Variants in GRIN2B observed in about 807,000 individuals in gnomAD.
GRIN2B encodes glutamate receptor ionotropic, NMDA 2B.
In GRIN2B, 5 loss-of-function variants were observed where a neutral mutation model predicts 114.5. The ratio of observed to expected loss-of-function variants is 0.04; its 90% confidence interval spans 0.02 to 0.09. The LOEUF is 0.09. Among genes scored for constraint, GRIN2B ranks in the 10% least tolerant of loss-of-function variants. The probability of loss-of-function intolerance (pLI) is 1.00; values close to 1 mark genes in which losing one functional copy is unlikely to be tolerated. For synonymous variants in GRIN2B, 787 were observed against 745.1 expected (o/e 1.06, Z -0.92); for missense variants, 1,108 against 1,943.5 (o/e 0.57, Z 8.08).
intron 5 of GRIN2B, among the ~76,000 whole-genome samples, chr12:13,644,532 G>T (rs1196746873): frequency 6.6e-6 from 1 of 152,098 alleles, no homozygotes; most frequent in East Asian, 1.9e-4. Flanking sequence ...ATCATCAGCT[G>T]CATTAGTCCC....
At chr12:13,601,596 C>A (rs762050145) in intron 10 of GRIN2B, among the ~76,000 whole-genome samples, 1 of 151,122 alleles carries the variant, frequency 6.6e-6, no homozygotes, top group Non-Finnish European at 1.5e-5. Flanking sequence ...TGGGAGGATA[C>A]AATTCAACCC....
intron 3 of GRIN2B, among the ~76,000 whole-genome samples, chr12:13,769,017 G>C (rs980603228): frequency 1.3e-5 from 2 of 152,190 alleles, no homozygotes; most frequent in Non-Finnish European, 2.9e-5. Flanking sequence ...TTGGGCAACA[G>C]AGTAAGACTC....
At chr12:13,873,851 C>G (rs964107606) in intron 2 of GRIN2B, among the ~76,000 whole-genome samples, 3 of 152,118 alleles carry the variant, frequency 2.0e-5, no homozygotes, top group African/African-American at 7.2e-5. Flanking sequence ...GAATTAACCC[C>G]AAATGGATTT....
Position 13,866,166 on chromosome 12 carries a change from C to G in GRIN2B, c.43G>C (p.Val15Leu). The G allele has an allele frequency of 6.2e-7, 1 of 1,612,514 alleles. No homozygotes were observed. Residue 15 changes from valine to leucine, a missense_variant, in exon 3 of 14, where the codon GTG becomes CTG. This residue lies in a region of GRIN2B where 46 missense variants were observed against 44.4 expected (regional missense o/e 1.04). Coordinates refer to ENST00000609686, the MANE Select transcript of GRIN2B (RefSeq NM_000834.5). ...AECCSPKFWL[V>L]LAVLAVSGSR... ...CCTGACACGGCCAGGACGGCCAACA[C>G]CAACCAGAACTTGGGAGAACAGCAC... is the stretch of plus-strand genomic sequence containing the variant.
intron 5 of GRIN2B, among the ~76,000 whole-genome samples, chr12:13,652,143 G>T (rs895115251): frequency 6.6e-6 from 1 of 151,680 alleles, no homozygotes; most frequent in Non-Finnish European, 1.5e-5. Flanking sequence ...GTCTAGAGGG[G>T]CCACTTTTCC....
At chr12:13,891,488 G>C (rs1440060793) in intron 2 of GRIN2B, among the ~76,000 whole-genome samples, 2 of 152,086 alleles carry the variant, frequency 1.3e-5, no homozygotes, top group Non-Finnish European at 2.9e-5. Context: ...ATGCAATGAG[G>C]TTCACACCAT....
intron 4 of GRIN2B, among the ~76,000 whole-genome samples, chr12:13,746,677 C>A (rs1005218222): frequency 6.6e-6 from 1 of 152,200 alleles, no homozygotes; most frequent in Non-Finnish European, 1.5e-5. Flanking sequence ...TGAAATGTGA[C>A]CCCAATGCTG....
intron 2 of GRIN2B, among the ~76,000 whole-genome samples, chr12:13,888,435 A>AT (rs553570298): frequency 0.012 from 463 of 38,450 alleles, 2 homozygotes; most frequent in African/African-American, 0.049. Flanking sequence ...AGCATAAAAG[A>AT]TAAAAAAAAA....
intron 2 of GRIN2B, among the ~76,000 whole-genome samples, chr12:13,894,486 G>A (rs78837858): frequency 0.026 from 3,926 of 152,100 alleles, 178 homozygotes; most frequent in African/African-American, 0.09. Flanking sequence ...ACCAAAAAAC[G>A]GTGTGATTTC....
intron 4 of GRIN2B, among the ~76,000 whole-genome samples, chr12:13,713,229 C>G (rs1217339695): frequency 6.6e-6 from 1 of 151,858 alleles, no homozygotes; most frequent in Non-Finnish European, 1.5e-5. Flanking sequence ...TTCCCCTACT[C>G]TTGGTCCACT....
chr12:13,899,260 A>G (rs1308844022), intron 2 of GRIN2B, among the ~76,000 whole-genome samples: 1 of 152,188 alleles, frequency 6.6e-6, no homozygotes, highest in African/African-American at 2.4e-5. Context: ...ACAAAAACAA[A>G]CAAACGAAAG....
At chr12:13,942,393 A>G (rs1867275304) in intron 2 of GRIN2B, among the ~76,000 whole-genome samples, 3 of 89,248 alleles carry the variant, frequency 3.4e-5, no homozygotes, top group East Asian at 1.9e-3. Flanking sequence ...CCTCAGGCAC[A>G]GGCACTATTT....
chr12:13,578,848 GAGACCTGAATAATAAGAA>G (rs71067710), intron 10 of GRIN2B, among the ~76,000 whole-genome samples: 85,419 of 151,914 alleles, frequency 0.56, 28,083 homozygotes, highest in Middle Eastern at 0.72. Flanking sequence ...CATCTGAACC[GAGACCTGAATAATAAGAA>G]AGAACCAGAC....
At chr12:13,572,260 A>G (rs1178032835) in intron 10 of GRIN2B, among the ~76,000 whole-genome samples, 1 of 152,224 alleles carries the variant, frequency 6.6e-6, no homozygotes, top group East Asian at 1.9e-4. Flanking sequence ...ACACTACACA[A>G]TACCAGTGTT....
chr12:13,567,888 G>GTACTT (rs1321262163), intron 12 of GRIN2B, among the ~76,000 whole-genome samples: 4 of 152,058 alleles, frequency 2.6e-5, no homozygotes, highest in Non-Finnish European at 4.4e-5. Flanking sequence ...TAAGCATTCT[G>GTACTT]TACTTTATAT....
At chr12:13,897,948 AC>A (rs1866379350) in intron 2 of GRIN2B, among the ~76,000 whole-genome samples, 1 of 151,392 alleles carries the variant, frequency 6.6e-6, no homozygotes, top group South Asian at 2.1e-4. Context: ...TATGTAACTA[AC>A]CTGTACATTC....
At chr12:13,607,375 T>A (rs908283752) in intron 10 of GRIN2B, among the ~76,000 whole-genome samples, 104 of 22,684 alleles carry the variant, frequency 4.6e-3, no homozygotes, top group African/African-American at 7.7e-3. Context: ...TATTATATAT[T>A]ATATATATAA....
intron 3 of GRIN2B, among the ~76,000 whole-genome samples, chr12:13,796,089 A>AG (rs1864414752): frequency 6.6e-6 from 1 of 151,702 alleles, no homozygotes; most frequent in African/African-American, 2.4e-5. Flanking sequence ...AATTAAAAAA[A>AG]AAAAAAAAGA....
intron 4 of GRIN2B, among the ~76,000 whole-genome samples, chr12:13,704,885 T>A (rs1225724434): frequency 6.6e-6 from 1 of 152,210 alleles, no homozygotes; most frequent in African/African-American, 2.4e-5. Context: ...CTTTTATTCC[T>A]CATTTTTTAC....
Sources: gnomAD v4.1 joint callset for allele counts (sites outside exome capture counted in the v4.1 genomes callset) on GRCh38, gnomAD v4.1.1 for gene constraint, gnomAD v4.1.1 regional missense constraint, MANE v1.5 for transcripts, NCBI Gene and HGNC (gene_info 2026-07-23, HGNC 2026-07-21) for gene names.